The following SOS2 variants were observed in gnomAD, a reference collection of about 807,000 sequenced individuals.
SOS2 encodes SOS Ras/Rho guanine nucleotide exchange factor 2.
A neutral mutation model predicts 148.2 loss-of-function variants in SOS2; 65 were observed. That is an observed-to-expected ratio of 0.44 (90% CI 0.36 to 0.54). SOS2 has a LOEUF of 0.54. Ranked by LOEUF, SOS2 falls within the 20% of genes least tolerant of loss-of-function variation. The probability of loss-of-function intolerance (pLI) is 0.00; values close to 1 mark genes in which losing one functional copy is unlikely to be tolerated. For missense variants in SOS2, 1,341 were observed against 1,590.2 expected, an observed-to-expected ratio of 0.84 and a Z score of 2.67; for synonymous variants, 539 against 537.1, an observed-to-expected ratio of 1.00 and a Z score of -0.05.
In SOS2 at chr14:50,230,979, T is replaced by C. The variant is rs528434684; in HGVS notation, c.87+218A>G. The C allele has an allele frequency of 5.5e-6, 5 of 915,816 alleles. No individual in the cohort carries two copies. The South Asian group carries it at 1.7e-4, about 31-fold the overall frequency. The allele number at this position is 915,816 out of a possible 1,614,324, so 56.7% of individuals were successfully genotyped here. ...GACTGCAACATGAAATCCAGTTTTA[T>C]GATCATAACAAAACCTTCCTTCCGG... On this transcript the variant is annotated intron_variant, in intron 1 of 22. Transcript: ENST00000216373.
intron 1 of SOS2, among the ~76,000 whole-genome samples, chr14:50,230,091 C>T (rs1735091818): frequency 6.6e-6 from 1 of 152,178 alleles, no homozygotes; most frequent in Non-Finnish European, 1.5e-5. Context: ...AGCAATACTT[C>T]CTTGTAAGAA....
At chr14:50,191,157 A>C (rs569953044) in intron 4 of SOS2, among the ~76,000 whole-genome samples, 83 of 152,102 alleles carry the variant, frequency 5.5e-4, no homozygotes, top group Non-Finnish European at 2.6e-4. Context: ...CCATTCTCTC[A>C]TTCTTAAAAC....
At chr14:50,197,881 G>A (rs1244042577) in intron 4 of SOS2, among the ~76,000 whole-genome samples, 4 of 151,832 alleles carry the variant, frequency 2.6e-5, no homozygotes, top group Admixed American at 2.6e-4. Context: ...AGTAGAGACG[G>A]GGTTTTGCCA....
At chr14:50,205,408 T>G (rs951747377) in intron 1 of SOS2, among the ~76,000 whole-genome samples, 1 of 152,118 alleles carries the variant, frequency 6.6e-6, no homozygotes, top group Non-Finnish European at 1.5e-5. Context: ...AACACAAAAA[T>G]AGATAACTTG....
intron 1 of SOS2, among the ~76,000 whole-genome samples, chr14:50,224,340 C>A (rs1887297550): frequency 6.8e-6 from 1 of 146,064 alleles, no homozygotes; most frequent in Admixed American, 6.9e-5. Context: ...CACACACACA[C>A]ACACACACAC....
intron 14 of SOS2, 135 bp from the exon 15 acceptor site, chr14:50,145,731 G>C: frequency 1.8e-6 from 1 of 565,902 alleles, no homozygotes; most frequent in Non-Finnish European, 3.1e-6. Context: ...AATTCAGAGA[G>C]GAATAGACCC....
At chr14:50,224,607 C>T (rs1450024754) in intron 1 of SOS2, among the ~76,000 whole-genome samples, 3 of 151,890 alleles carry the variant, frequency 2.0e-5, no homozygotes, top group African/African-American at 7.3e-5. Context: ...TAGTTTTTGG[C>T]AGGCAGGTGG....
At chr14:50,160,639 G>T (rs141516594) in intron 9 of SOS2, among the ~76,000 whole-genome samples, 6 of 151,770 alleles carry the variant, frequency 4.0e-5, no homozygotes, top group Non-Finnish European at 8.8e-5. Flanking sequence ...TGCCCACCTT[G>T]GACTCCCGAA....
chr14:50,209,502 C>T (rs905012040), intron 1 of SOS2, among the ~76,000 whole-genome samples: 4 of 152,106 alleles, frequency 2.6e-5, no homozygotes, highest in African/African-American at 9.7e-5. Flanking sequence ...TGCGGTGGCT[C>T]ACTCCTGTAA....
intron 19 of SOS2, among the ~76,000 whole-genome samples, chr14:50,133,901 TC>T (rs1883989052): frequency 6.6e-6 from 1 of 151,926 alleles, no homozygotes; most frequent in African/African-American, 2.4e-5. Flanking sequence ...CTAGGAGGGA[TC>T]AAAAGTAGAC....
At chr14:50,219,607 T>C (rs1320261602) in intron 1 of SOS2, among the ~76,000 whole-genome samples, 1 of 152,214 alleles carries the variant, frequency 6.6e-6, no homozygotes, top group African/African-American at 2.4e-5. Flanking sequence ...TTTACTGGGA[T>C]GGTTTTACTG....
Position 50,188,554 on chromosome 14 carries a change from C to A in SOS2, c.657G>T (p.Met219Ile). The change falls in exon 5 of 23, where the codon ATG (methionine) becomes ATT (isoleucine). Residue 219 changes from methionine (M) to isoleucine (I), a missense_variant. Transcript: ENST00000216373. ...AGGCTTCTCGAAACACTTTTATGATCATATTTAATTCCCGTAGATACTGTC... is the reference window on the plus strand; with the variant it reads ...AGGCTTCTCGAAACACTTTTATGATAATATTTAATTCCCGTAGATACTGTC... The part of the protein sequence containing the change: ...EERQYLRELN[M>I]IIKVFREAFL... The A allele has an allele frequency of 1.2e-6, 2 of 1,605,082 alleles. No individual in the cohort carries two copies. Among genetic ancestry groups the A allele is most frequent in the South Asian group, 2.2e-5 (2 of 89,456 alleles).
chr14:50,200,465 T>C (rs139535137), intron 3 of SOS2, among the ~76,000 whole-genome samples: 61 of 152,318 alleles, frequency 4.0e-4, no homozygotes, highest in African/African-American at 1.4e-3. Flanking sequence ...TCTGAAATTA[T>C]ACACTTTCTT....
chr14:50,130,113 T>A, intron 20 of SOS2, 111 bp from the exon 21 acceptor site: 1 of 662,120 alleles, frequency 1.5e-6, no homozygotes, highest in South Asian at 2.2e-5. Context: ...TATCATCATC[T>A]TTTGCCATGT....
chr14:50,224,328 C>T lies in SOS2; in HGVS notation c.87+6869G>A, dbSNP rs1160940442. Reference sequence around the variant, plus strand: ...AAATATATATATACACACACACACACACACACACACACACACACACACACA... The same window carrying T: ...AAATATATATATACACACACACACATACACACACACACACACACACACACA... On this transcript the variant is annotated intron_variant, in intron 1 of 22. Coordinates refer to ENST00000216373, the MANE Select transcript of SOS2 (RefSeq NM_006939.4). Among the ~76,000 whole-genome samples, 672 of 136,136 alleles carry T rather than the reference C, an allele frequency of 4.9e-3. 16 individuals carry two copies. The highest frequency in any genetic ancestry group is 7.6e-3 in the East Asian group (35 of 4,634). 89.3% of individuals were successfully genotyped at this position (136,136 alleles called of 152,430 possible).
intron 11 of SOS2, among the ~76,000 whole-genome samples, chr14:50,157,764 TATAATA>T (rs1171513367): frequency 1.3e-5 from 2 of 152,158 alleles, no homozygotes; most frequent in African/African-American, 4.8e-5. Context: ...TAAGCTTTGG[TATAATA>T]ATAAGTTTTA....
In SOS2 at chr14:50,220,405, C is replaced by CAAAAA. The variant is rs367829144; in HGVS notation, c.87+10787_87+10791dup. ...TGGGCGACAGAGCGAGACTCCATCT[C>CAAAAA]AAAAAAAAAAAAAAAAAGAACAGAC... On this transcript the variant is annotated intron_variant, in intron 1 of 22. Transcript: ENST00000216373. Among the ~76,000 whole-genome samples the CAAAAA allele has an allele frequency of 6.2e-3, 188 of 30,442 alleles. 16 individuals carry two copies. Among genetic ancestry groups the CAAAAA allele is most frequent in the African/African-American group, 0.024 (167 of 6,922 alleles). 20.0% of individuals were successfully genotyped at this position (30,442 alleles called of 152,430 possible). A position where few individuals can be genotyped will look rare whatever the true frequency, so the allele number is the denominator to read the frequency against.
At chr14:50,183,161 G>A (rs1411418804) in intron 5 of SOS2, among the ~76,000 whole-genome samples, 1 of 152,142 alleles carries the variant, frequency 6.6e-6, no homozygotes, top group Non-Finnish European at 1.5e-5. Flanking sequence ...ACAAGACAGA[G>A]AGAGTAAAAT....
intron 21 of SOS2, among the ~76,000 whole-genome samples, chr14:50,127,012 G>A (rs1464957804): frequency 6.6e-6 from 1 of 152,000 alleles, no homozygotes; most frequent in East Asian, 1.9e-4. Context: ...TTGTGGCAGA[G>A]CCTGCTGCTT....
Sources: allele counts gnomAD v4.1 joint callset (sites outside exome capture counted in the v4.1 genomes callset), GRCh38; gene constraint gnomAD v4.1.1; transcripts MANE v1.5; gene names NCBI Gene and HGNC (gene_info 2026-07-23, HGNC 2026-07-21).